Variants in CLYBL observed in about 807,000 individuals in gnomAD.
CLYBL encodes citramalyl-CoA lyase.
A neutral mutation model predicts 38.9 loss-of-function variants in CLYBL; 31 were observed. The ratio of observed to expected loss-of-function variants is 0.80; its 90% CI spans 0.60 to 1.08. CLYBL has a LOEUF of 1.08. Among genes scored for constraint, CLYBL ranks in the 50% least tolerant of loss-of-function variants. The pLI, the probability that CLYBL is intolerant of heterozygous loss-of-function variation, is 0.00. For missense variants in CLYBL, 434 were observed against 411.6 expected (o/e 1.05, Z -0.47); for synonymous variants, 171 against 158.6 (o/e 1.08, Z -0.59).
rs767129851 is a variant in CLYBL at position 99,736,038 on chromosome 13, C to CTTTT, written c.63-36765_63-36762dup. Among the ~76,000 whole-genome samples the CTTTT allele has an allele frequency of 6.4e-3, 488 of 76,220 alleles. 2 individuals carry two copies. The highest frequency in any genetic ancestry group is 9.4e-3 in the African/African-American group (180 of 19,110). 50.0% of individuals were successfully genotyped at this position (76,220 alleles called of 152,430 possible). ...TTACTATATCCTATACGTTTCTTTT[C>CTTTT]TTTTTTTTTTTTTTTTTTTTTTTTG... On this transcript the variant is annotated intron_variant, in intron 1 of 8. Coordinates refer to ENST00000339105, the MANE Select transcript of CLYBL (RefSeq NM_206808.5).
At chr13:99,861,117 T>C (rs779445554) in intron 3 of CLYBL, among the ~76,000 whole-genome samples, 1 of 152,086 alleles carries the variant, frequency 6.6e-6, no homozygotes, top group African/African-American at 2.4e-5. Context: ...CTCGCTGAAA[T>C]GAACACTTTA....
chr13:99,830,918 C>G (rs987202923), intron 2 of CLYBL, among the ~76,000 whole-genome samples: 1 of 152,134 alleles, frequency 6.6e-6, no homozygotes, highest in Non-Finnish European at 1.5e-5. Flanking sequence ...CGAGAAAAGA[C>G]CATCATGGAT....
intron 2 of CLYBL, among the ~76,000 whole-genome samples, chr13:99,788,601 C>T (rs1395038094): frequency 6.6e-6 from 1 of 152,146 alleles, no homozygotes; most frequent in Non-Finnish European, 1.5e-5. Context: ...ATTCAGTTTG[C>T]CAGTATTTTA....
chr13:99,848,299 G>A (rs2051254702), intron 2 of CLYBL, among the ~76,000 whole-genome samples: 1 of 152,086 alleles, frequency 6.6e-6, no homozygotes, highest in Non-Finnish European at 1.5e-5. Flanking sequence ...CGCCACAACT[G>A]GATGATAAAT....
At chr13:99,749,660 C>T (rs979704781) in intron 1 of CLYBL, among the ~76,000 whole-genome samples, 9 of 152,212 alleles carry the variant, frequency 5.9e-5, no homozygotes, top group Admixed American at 5.9e-4. Context: ...ATAATTGCTT[C>T]AGGAGAGAGT....
chr13:99,899,530 G>A, downstream of CLYBL, among the ~76,000 whole-genome samples: 1 of 152,108 alleles, frequency 6.6e-6, no homozygotes, highest in East Asian at 1.9e-4. Context: ...TGGGGCAATG[G>A]GGAGTTACTG....
Position 99,832,096 on chromosome 13 carries a change from C to T in CLYBL, c.250-26765C>T, listed in dbSNP as rs559243826. ...GAGGATGAATAGCTTACAGTGTTTG[C>T]GGCAATATTGGATGTATTTATTTCC... On this transcript the variant is annotated intron_variant, in intron 2 of 8. Transcript: ENST00000339105. Among the ~76,000 whole-genome samples the T allele has an allele frequency of 3.5e-4, 53 of 152,258 alleles. No homozygotes were observed. The South Asian group carries it at 8.5e-3, about 24-fold the overall frequency.
chr13:99,758,666 T>C (rs1363447111), intron 1 of CLYBL, among the ~76,000 whole-genome samples: 4 of 152,196 alleles, frequency 2.6e-5, no homozygotes, highest in African/African-American at 7.2e-5. Flanking sequence ...CTGCCGTGAC[T>C]GGGCTTCTGC....
In CLYBL at chr13:99,866,140, G is replaced by A. The variant is rs1297186774; in HGVS notation, c.635-100G>A. 11 of 1,161,418 alleles carry A rather than the reference G, an allele frequency of 9.5e-6. No homozygotes were observed. The East Asian group carries it at 2.4e-4, about 25-fold the overall frequency. 71.9% of individuals were successfully genotyped at this position (1,161,418 alleles called of 1,614,324 possible). On this transcript the variant is annotated intron_variant, in intron 5 of 8. Coordinates refer to ENST00000339105, the MANE Select transcript of CLYBL (RefSeq NM_206808.5). ...TATTTTGCGGAGGAGCAATTTCCAG[G>A]GAGGTTTAGATATCTGTACAAACTG...
chr13:99,804,620 G>A (rs2050196397), intron 2 of CLYBL, among the ~76,000 whole-genome samples: 1 of 152,044 alleles, frequency 6.6e-6, no homozygotes, highest in African/African-American at 2.4e-5. Flanking sequence ...TACCTGAAAT[G>A]TTCCCTTTTC....
At chr13:99,799,994 T>A (rs1028447646) in intron 2 of CLYBL, among the ~76,000 whole-genome samples, 1 of 152,226 alleles carries the variant, frequency 6.6e-6, no homozygotes, top group African/African-American at 2.4e-5. Flanking sequence ...TGATTAGGGA[T>A]CCTGTTGGGA....
At chr13:99,793,425 T>G (rs1039019855) in intron 2 of CLYBL, among the ~76,000 whole-genome samples, 2 of 152,184 alleles carry the variant, frequency 1.3e-5, no homozygotes, top group Admixed American at 6.5e-5. Context: ...AGCTGAACTG[T>G]GCTTAGGAAC....
At chr13:99,897,152 C>T (rs1379618885), downstream of CLYBL, 2 of 152,256 alleles carry the variant, frequency 1.3e-5, no homozygotes, top group African/African-American at 4.8e-5. Flanking sequence ...TGAAACCAGC[C>T]ACTTTTTCCA....
intron 2 of CLYBL, among the ~76,000 whole-genome samples, chr13:99,841,199 C>T (rs933828319): frequency 2.6e-5 from 4 of 152,136 alleles, no homozygotes; most frequent in Non-Finnish European, 2.9e-5. Flanking sequence ...CTGAAGAATT[C>T]AGCAACCTGA....
chr13:99,748,173 A>G (rs557060274), intron 1 of CLYBL, among the ~76,000 whole-genome samples: 1 of 152,080 alleles, frequency 6.6e-6, no homozygotes, highest in Middle Eastern at 3.2e-3. Flanking sequence ...TGAGGTCAGA[A>G]GTTCGAGACC....
At chr13:99,757,881 C>T (rs2049095203) in intron 1 of CLYBL, among the ~76,000 whole-genome samples, 1 of 152,158 alleles carries the variant, frequency 6.6e-6, no homozygotes, top group African/African-American at 2.4e-5. Flanking sequence ...CTGCAACGTG[C>T]CACCAAGTTT....
chr13:99,731,214 AAAAG>A, intron 1 of CLYBL, among the ~76,000 whole-genome samples: 1 of 152,170 alleles, frequency 6.6e-6, no homozygotes, highest in South Asian at 2.1e-4. Context: ...ACATGGACAG[AAAAG>A]TTGTATGGTC....
At chr13:99,790,782 C>T (rs1000831979) in intron 2 of CLYBL, among the ~76,000 whole-genome samples, 6 of 152,156 alleles carry the variant, frequency 3.9e-5, no homozygotes, top group African/African-American at 1.4e-4. Context: ...CAACTGGAAT[C>T]CTGAACTCTC....
At chr13:99,803,629 G>A (rs1284317801) in intron 2 of CLYBL, among the ~76,000 whole-genome samples, 2 of 152,192 alleles carry the variant, frequency 1.3e-5, no homozygotes, top group Non-Finnish European at 2.9e-5. Context: ...GTTGATGTGT[G>A]GAACAAAGAA....
Sources: gnomAD v4.1 joint callset for allele counts (sites outside exome capture counted in the v4.1 genomes callset) on GRCh38, gnomAD v4.1.1 for gene constraint, MANE v1.5 for transcripts, NCBI Gene and HGNC (gene_info 2026-07-23, HGNC 2026-07-21) for gene names.